The following CTDSPL2 variants were observed in gnomAD, a reference collection of about 807,000 sequenced individuals.
CTDSPL2 encodes the protein CTD small phosphatase-like protein 2.
A neutral mutation model predicts 60.0 loss-of-function variants in CTDSPL2; 5 were observed. The ratio of observed to expected loss-of-function variants is 0.08; its 90% CI spans 0.04 to 0.18. The LOEUF (loss-of-function observed/expected upper bound fraction) is 0.18. Ranked by LOEUF, CTDSPL2 falls within the 10% of genes least tolerant of loss-of-function variation. The pLI is 1.00. For synonymous variants in CTDSPL2, 186 were observed against 189.3 expected, an observed-to-expected ratio of 0.98 and a Z score of 0.14; for missense variants, 370 against 548.8, an observed-to-expected ratio of 0.67 and a Z score of 3.26.
intron 1 of CTDSPL2, among the ~76,000 whole-genome samples, chr15:44,433,552 A>C (rs1277707408): frequency 6.6e-6 from 1 of 151,660 alleles, no homozygotes; most frequent in Non-Finnish European, 1.5e-5. Context: ...GCACGATCTC[A>C]GCTCACTGCA....
intron 1 of CTDSPL2, among the ~76,000 whole-genome samples, chr15:44,443,397 G>T (rs1371962743): frequency 6.6e-6 from 1 of 152,152 alleles, no homozygotes; most frequent in Non-Finnish European, 1.5e-5. Context: ...CCTACTGTCA[G>T]TTCTTTTGGA....
chr15:44,493,802 AAAT>A (rs545393642), intron 5 of CTDSPL2, among the ~76,000 whole-genome samples: 71 of 152,330 alleles, frequency 4.7e-4, no homozygotes, highest in Admixed American at 1.8e-3. Flanking sequence ...CTGTCTCAAA[AAAT>A]AATAATAAAA....
chr15:44,488,872 C>T (rs988099259), intron 4 of CTDSPL2, among the ~76,000 whole-genome samples: 3 of 152,092 alleles, frequency 2.0e-5, no homozygotes, highest in Non-Finnish European at 2.9e-5. Flanking sequence ...ATTTTCCCCT[C>T]ATGCTGAAGT....
In CTDSPL2 at chr15:44,491,017, T is replaced by C; in HGVS notation, c.691+18T>C. On this transcript the variant is annotated intron_variant, in intron 5 of 12. Transcript: ENST00000260327. ...CCTTACAGGTGAAGAAAATTTCTTT[T>C]CTTATACATCTTCATGAGTAGTTGA... is the stretch of plus-strand genomic sequence containing the variant. The C allele has an allele frequency of 6.4e-7, 1 of 1,563,944 alleles. No homozygotes were observed. The highest frequency in any genetic ancestry group is 8.8e-7 in the Non-Finnish European group (1 of 1,135,828).
At chr15:44,486,752 G>C (rs879164830) in intron 4 of CTDSPL2, 52 bp downstream of exon 4, 1 of 989,582 alleles carries the variant, frequency 1.0e-6, no homozygotes, top group Non-Finnish European at 1.5e-6. Flanking sequence ...AAAATGCATA[G>C]TTTGGGTTTT....
intron 2 of CTDSPL2, among the ~76,000 whole-genome samples, chr15:44,478,950 T>TA (rs1275167772): frequency 1.3e-5 from 2 of 152,124 alleles, no homozygotes; most frequent in African/African-American, 4.8e-5. Flanking sequence ...GACGGCTGTC[T>TA]AGCCTGTCTC....
rs2081313315 is a variant in CTDSPL2, at chr15:44,497,111, A to G, written c.855A>G (p.Thr285=). ...CTCTTCCGTTGAAAACAAGAAGCAC[A>G]CCGGAATTCTCCCTAGTTTTAGACT... is the stretch of plus-strand genomic sequence containing the variant. ...KPALPLKTRS[T]PEFSLVLDLD... Residue 285 remains threonine, a synonymous_variant, in exon 7 of 13, where the codon ACA becomes ACG. Transcript: ENST00000260327. The G allele has an allele frequency of 1.9e-6, 3 of 1,607,220 alleles. No homozygotes were observed. The highest frequency in any genetic ancestry group is 1.7e-6 in the Non-Finnish European group (2 of 1,174,306).
At chr15:44,508,274 G>C (rs1396386344) in intron 8 of CTDSPL2, among the ~76,000 whole-genome samples, 1 of 151,862 alleles carries the variant, frequency 6.6e-6, no homozygotes, top group Non-Finnish European at 1.5e-5. Flanking sequence ...TGTAGAGACA[G>C]GGTTTCGCCA....
intron 1 of CTDSPL2, chr15:44,448,855 G>C: frequency 2.5e-6 from 1 of 393,736 alleles, no homozygotes. Context: ...CTTTACCTGC[G>C]TTGGTCTATC....
intron 1 of CTDSPL2, among the ~76,000 whole-genome samples, chr15:44,429,730 G>A (rs2079819670): frequency 6.6e-6 from 1 of 152,182 alleles, no homozygotes; most frequent in Non-Finnish European, 1.5e-5. Context: ...GCCGGGCATG[G>A]TGGTGCACAC....
chr15:44,518,953 G>T (rs571149137), intron 10 of CTDSPL2: 1 of 313,228 alleles, frequency 3.2e-6, no homozygotes, highest in Non-Finnish European at 5.9e-6. Flanking sequence ...GTTCTTTAAG[G>T]CATAGTAATA....
At chr15:44,440,189 T>C (rs1200542113) in intron 1 of CTDSPL2, among the ~76,000 whole-genome samples, 1 of 150,470 alleles carries the variant, frequency 6.6e-6, no homozygotes, top group African/African-American at 2.5e-5. Flanking sequence ...TTTTGTTTGT[T>C]TGTTTTTGTG....
chr15:44,508,355 A>G (rs2081507507), intron 8 of CTDSPL2, among the ~76,000 whole-genome samples: 6 of 152,076 alleles, frequency 3.9e-5, no homozygotes, highest in Admixed American at 3.3e-4. Context: ...AAAATGCCCT[A>G]GCATTTTAGG....
At chr15:44,435,149 ACGG>A (rs2079948120) in intron 1 of CTDSPL2, among the ~76,000 whole-genome samples, 2 of 151,524 alleles carry the variant, frequency 1.3e-5, no homozygotes, top group Admixed American at 1.3e-4. Context: ...AATCCCAGCC[ACGG>A]GGGCTGAGGC....
At chr15:44,496,877 A>C (rs1383224456) in intron 6 of CTDSPL2, 150 bp from the exon 7 acceptor site, 23 of 512,128 alleles carry the variant, frequency 4.5e-5, no homozygotes, top group Non-Finnish European at 7.5e-5. Context: ...CAGAGATACT[A>C]ATTTGTATGT....
chr15:44,451,523 A>T (rs1187361056), intron 1 of CTDSPL2, among the ~76,000 whole-genome samples: 1 of 152,236 alleles, frequency 6.6e-6, no homozygotes, highest in East Asian at 1.9e-4. Context: ...GTTTTATGTA[A>T]ATAATTACAT....
intron 3 of CTDSPL2, among the ~76,000 whole-genome samples, chr15:44,485,069 A>G (rs1157454863): frequency 6.6e-6 from 1 of 152,074 alleles, no homozygotes; most frequent in East Asian, 1.9e-4. Flanking sequence ...ACTAGGGGTG[A>G]TTTTTTCCTC....
chr15:44,476,361 C>T (rs184100690), intron 2 of CTDSPL2, among the ~76,000 whole-genome samples: 30 of 152,102 alleles, frequency 2.0e-4, no homozygotes, highest in Admixed American at 1.4e-3. Flanking sequence ...CCACTGCACC[C>T]GGCCACAAAT....
chr15:44,438,013 C>T (rs2080010390), intron 1 of CTDSPL2, among the ~76,000 whole-genome samples: 1 of 152,076 alleles, frequency 6.6e-6, no homozygotes, highest in South Asian at 2.1e-4. Flanking sequence ...GCCTGTAATC[C>T]CAGCACTTTG....
Sources: allele counts gnomAD v4.1 joint callset (sites outside exome capture counted in the v4.1 genomes callset), GRCh38; gene constraint gnomAD v4.1.1; transcripts MANE v1.5; gene names NCBI Gene and HGNC (gene_info 2026-07-23, HGNC 2026-07-21).